CARMIL1: variants seen among roughly 807,000 people sequenced by gnomAD.
CARMIL1 encodes capping protein regulator and myosin 1 linker 1, also known as F-actin-uncapping protein LRRC16A.
CARMIL1 carries 90 observed loss-of-function variants against 177.1 expected under a neutral mutation model. The observed-to-expected ratio is 0.51, with a 90% CI of 0.43 to 0.61. CARMIL1 has a LOEUF of 0.61. Ranked by LOEUF, CARMIL1 falls within the 20% of genes least tolerant of loss-of-function variation. The pLI is 0.00. For missense variants in CARMIL1, 1,380 were observed against 1,667.0 expected, an observed-to-expected ratio of 0.83 and a Z score of 3.00; for synonymous variants, 577 against 606.2, an observed-to-expected ratio of 0.95 and a Z score of 0.71.
intron 2 of CARMIL1, among the ~76,000 whole-genome samples, chr6:25,384,807 A>T (rs997861331): frequency 6.6e-6 from 1 of 152,132 alleles, no homozygotes; most frequent in East Asian, 1.9e-4. Context: ...CATTGCTAAT[A>T]ATAGAGTGTT....
At chr6:25,348,253 C>T (rs992648940) in intron 2 of CARMIL1, among the ~76,000 whole-genome samples, 2 of 152,000 alleles carry the variant, frequency 1.3e-5, no homozygotes, top group Non-Finnish European at 2.9e-5. Context: ...CTGCCTCAGT[C>T]TCCCGAGTAG....
chr6:25,368,788 T>G (rs1382671545), intron 2 of CARMIL1, among the ~76,000 whole-genome samples: 1 of 152,240 alleles, frequency 6.6e-6, no homozygotes. Flanking sequence ...TTATATATTT[T>G]AATGTGATAA....
intron 5 of CARMIL1, among the ~76,000 whole-genome samples, chr6:25,436,312 A>ATTTTGTGAATCCTGT (rs1797226715): frequency 6.6e-6 from 1 of 152,194 alleles, no homozygotes; most frequent in African/African-American, 2.4e-5. Flanking sequence ...CCCTCCTGAT[A>ATTTTGTGAATCCTGT]GAAGAACAGG....
At chr6:25,339,609 G>C (rs1384980122) in intron 2 of CARMIL1, among the ~76,000 whole-genome samples, 2 of 152,164 alleles carry the variant, frequency 1.3e-5, no homozygotes, top group Admixed American at 1.3e-4. Context: ...CAGATTTGTG[G>C]TCTTTTTGGC....
chr6:25,307,001 C>T (rs936164455), intron 2 of CARMIL1, among the ~76,000 whole-genome samples: 3 of 151,628 alleles, frequency 2.0e-5, no homozygotes, highest in Non-Finnish European at 4.4e-5. Flanking sequence ...GCCTCAGCCT[C>T]TGGAGTAGCT....
intron 17 of CARMIL1, among the ~76,000 whole-genome samples, chr6:25,504,230 A>T (rs1278145757): frequency 6.6e-6 from 1 of 152,178 alleles, no homozygotes; most frequent in South Asian, 2.1e-4. Context: ...GGTAGTTGAG[A>T]TTATTGGGAG....
intron 20 of CARMIL1, among the ~76,000 whole-genome samples, chr6:25,512,647 G>T (rs1220436282): frequency 6.6e-6 from 1 of 151,948 alleles, no homozygotes; most frequent in Non-Finnish European, 1.5e-5. Flanking sequence ...CTTGTTCTTT[G>T]ACCAGCCTAT....
chr6:25,341,527 C>T (rs1229525821), intron 2 of CARMIL1, among the ~76,000 whole-genome samples: 1 of 152,184 alleles, frequency 6.6e-6, no homozygotes, highest in Non-Finnish European at 1.5e-5. Flanking sequence ...AGTTCAAGAC[C>T]AGCCAGGCCA....
chr6:25,454,714 C>A (rs1799332228), intron 8 of CARMIL1, among the ~76,000 whole-genome samples: 1 of 152,100 alleles, frequency 6.6e-6, no homozygotes. Flanking sequence ...AGAGACTGTT[C>A]TCAGTCCTTT....
At chr6:25,591,922 A>G (rs1210525396) in intron 31 of CARMIL1, among the ~76,000 whole-genome samples, 1 of 152,194 alleles carries the variant, frequency 6.6e-6, no homozygotes, top group African/African-American at 2.4e-5. Flanking sequence ...TCCATCTCTG[A>G]AACCCATTGA....
At chr6:25,334,611 A>ATT (rs1786024987) in intron 2 of CARMIL1, among the ~76,000 whole-genome samples, 1 of 152,224 alleles carries the variant, frequency 6.6e-6, no homozygotes, top group South Asian at 2.1e-4. Flanking sequence ...TCAACTAGGT[A>ATT]CTTGATATAA....
In CARMIL1 at chr6:25,448,928, T is replaced by C. The variant is rs376692669; in HGVS notation, c.372-970T>C. Among the ~76,000 whole-genome samples, 450 of 151,182 alleles carry C rather than the reference T, an allele frequency of 3.0e-3. 3 individuals carry two copies. Among genetic ancestry groups the C allele is most frequent in the African/African-American group, 0.01 (420 of 41,182 alleles). On this transcript the variant is annotated intron_variant, in intron 5 of 36. Transcript: ENST00000329474. Reference sequence around the variant, plus strand: ...ACCAGGGATTCTTCTTTTTTTTTTTTTTTTTGGAGAGTCTCCCTCTGTCAC... The same window carrying C: ...ACCAGGGATTCTTCTTTTTTTTTTTCTTTTTGGAGAGTCTCCCTCTGTCAC...
chr6:25,604,965 C>A, intron 34 of CARMIL1, 72 bp downstream of exon 34: 2 of 1,284,208 alleles, frequency 1.6e-6, no homozygotes, highest in South Asian at 1.4e-5. Flanking sequence ...ACATGATTGA[C>A]AGAAGAAAAA....
intron 4 of CARMIL1, among the ~76,000 whole-genome samples, chr6:25,428,799 A>AT (rs1170556898): frequency 1.3e-5 from 2 of 151,966 alleles, no homozygotes; most frequent in South Asian, 4.2e-4. Context: ...AAATTGTGTT[A>AT]TTTTTTACAT....
chr6:25,579,697 C>T (rs1402779743), intron 29 of CARMIL1, among the ~76,000 whole-genome samples: 5 of 152,178 alleles, frequency 3.3e-5, no homozygotes, highest in Non-Finnish European at 7.4e-5. Flanking sequence ...CGGCAAGTTT[C>T]ATTTTGTATT....
intron 2 of CARMIL1, among the ~76,000 whole-genome samples, chr6:25,296,928 T>A (rs9467462): frequency 2.7e-4 from 12 of 43,694 alleles, no homozygotes; most frequent in Non-Finnish European, 4.0e-4. Flanking sequence ...TATCTATCTA[T>A]CTATCTTTAA....
chr6:25,587,860 C>T (rs1052156519), intron 31 of CARMIL1, among the ~76,000 whole-genome samples: 1 of 152,176 alleles, frequency 6.6e-6, no homozygotes, highest in Non-Finnish European at 1.5e-5. Flanking sequence ...GCCATTTTCT[C>T]AGGTACCAGA....
intron 34 of CARMIL1, 29 bp from the exon 35 acceptor site, chr6:25,606,032 G>T: frequency 6.4e-7 from 1 of 1,559,038 alleles, no homozygotes; most frequent in South Asian, 1.2e-5. Flanking sequence ...TTTGACCTTT[G>T]ATTTTTAAAG....
chr6:25,593,401 A>G (rs1275009860), intron 31 of CARMIL1, among the ~76,000 whole-genome samples: 1 of 152,208 alleles, frequency 6.6e-6, no homozygotes, highest in Non-Finnish European at 1.5e-5. Flanking sequence ...GTGGCTCCCT[A>G]TCATCTAAGC....
Sources: allele counts gnomAD v4.1 joint callset (sites outside exome capture counted in the v4.1 genomes callset), GRCh38; gene constraint gnomAD v4.1.1; transcripts MANE v1.5; gene names NCBI Gene and HGNC (gene_info 2026-07-23, HGNC 2026-07-21).